Variants in SYT1 observed in about 807,000 individuals in gnomAD.
SYT1 encodes synaptotagmin 1.
In SYT1, 8 loss-of-function variants were observed where a neutral mutation model predicts 44.8. The observed-to-expected ratio is 0.18, with a 90% CI of 0.10 to 0.32. The LOEUF is 0.32. SYT1 is among the 10% of genes least tolerant of loss of function. The pLI is 1.00. For missense variants in SYT1, 286 were observed against 509.3 expected, an observed-to-expected ratio of 0.56 and a Z score of 4.22; for synonymous variants, 154 against 188.8, an observed-to-expected ratio of 0.82 and a Z score of 1.51.
chr12:78,893,337 AG>A (rs1875158334), intron 1 of SYT1, among the ~76,000 whole-genome samples: 2 of 151,816 alleles, frequency 1.3e-5, no homozygotes, highest in African/African-American at 2.4e-5. Flanking sequence ...ATTAATTCTT[AG>A]TACTAAAATA....
chr12:79,262,907 G>C (rs532235119), intron 4 of SYT1, among the ~76,000 whole-genome samples: 1 of 152,266 alleles, frequency 6.6e-6, no homozygotes, highest in Admixed American at 6.5e-5. Flanking sequence ...TCACAAAAAA[G>C]ATAGAGTACA....
chr12:79,096,774 C>G (rs1878158374), intron 3 of SYT1, among the ~76,000 whole-genome samples: 1 of 151,962 alleles, frequency 6.6e-6, no homozygotes, highest in South Asian at 2.1e-4. Flanking sequence ...AGGGGCATGA[C>G]ATCTTCACAT....
chr12:79,287,564 A>G (rs1245808295), intron 5 of SYT1, among the ~76,000 whole-genome samples: 1 of 152,146 alleles, frequency 6.6e-6, no homozygotes, highest in African/African-American at 2.4e-5. Context: ...TTGACAATAG[A>G]TCACTATCTT....
At position 79,245,091 on chromosome 12, in the gene SYT1, G is replaced by A. The variant is rs866323666; in HGVS notation, c.166+27406G>A. ...ATACCTCTGTGTAGAAGCAAGCCAT[G>A]CTTTAAAAAATGACACTTTGGTCTT... On this transcript the variant is annotated intron_variant, in intron 4 of 10. Coordinates refer to ENST00000261205, the MANE Select transcript of SYT1 (RefSeq NM_005639.3). 9.2e-5 allele frequency among the ~76,000 whole-genome samples: 14 copies of A among 152,162 alleles called. No homozygotes were observed. In the South Asian group the frequency reaches 1.2e-3, roughly 14 times the overall value.
At chr12:79,276,856 A>C (rs1347723871) in intron 4 of SYT1, among the ~76,000 whole-genome samples, 1 of 151,866 alleles carries the variant, frequency 6.6e-6, no homozygotes. Context: ...AAAGAAATAA[A>C]GTCTCCAAGA....
At chr12:79,057,010 A>G (rs1592708468) in intron 3 of SYT1, among the ~76,000 whole-genome samples, 2 of 151,976 alleles carry the variant, frequency 1.3e-5, no homozygotes, top group East Asian at 3.9e-4. Flanking sequence ...TTCTCCTTTC[A>G]ATGTAAAATC....
intron 1 of SYT1, among the ~76,000 whole-genome samples, chr12:78,929,947 C>A (rs1180828651): frequency 6.6e-6 from 1 of 151,968 alleles, no homozygotes; most frequent in Non-Finnish European, 1.5e-5. Context: ...ATAAAGAAAG[C>A]TCATGTTTCT....
intron 1 of SYT1, chr12:78,869,051 A>C (rs1873687656): frequency 6.6e-6 from 1 of 151,946 alleles, no homozygotes; most frequent in East Asian, 1.9e-4. Flanking sequence ...TATGTAATTG[A>C]ATGGCATGAT....
intron 8 of SYT1, chr12:79,341,068 G>C (rs1882349392): frequency 6.6e-6 from 1 of 152,108 alleles, no homozygotes; most frequent in South Asian, 2.1e-4. Context: ...ATCATCCTTT[G>C]TTTCTAGTTC....
intron 3 of SYT1, among the ~76,000 whole-genome samples, chr12:79,069,257 C>T (rs868765558): frequency 6.6e-6 from 1 of 152,120 alleles, no homozygotes; most frequent in South Asian, 2.1e-4. Flanking sequence ...GTGTAAACCA[C>T]AGCAGCTAAA....
At chr12:79,046,354 C>G (rs1874054757) in intron 2 of SYT1, 1 of 152,080 alleles carries the variant, frequency 6.6e-6, no homozygotes, top group Admixed American at 6.6e-5. Flanking sequence ...GAGTAACATA[C>G]TTATTATAAG....
intron 8 of SYT1, among the ~76,000 whole-genome samples, chr12:79,310,643 G>A (rs1443169446): frequency 1.8e-4 from 28 of 151,890 alleles, no homozygotes; most frequent in Admixed American, 3.9e-4. Context: ...CTTCCTACCC[G>A]TGAGCATGGA....
chr12:79,240,060 T>A (rs1055338689), intron 4 of SYT1, among the ~76,000 whole-genome samples: 1 of 152,186 alleles, frequency 6.6e-6, no homozygotes, highest in African/African-American at 2.4e-5. Flanking sequence ...CTTTGCCACA[T>A]AGCACAATCC....
chr12:79,195,708 A>G (rs2138470986), intron 3 of SYT1, among the ~76,000 whole-genome samples: 1 of 152,290 alleles, frequency 6.6e-6, no homozygotes, highest in East Asian at 1.9e-4. Flanking sequence ...ATGATTTAGG[A>G]ACAGATTAAA....
intron 4 of SYT1, among the ~76,000 whole-genome samples, chr12:79,281,123 C>CATTT (rs950720902): frequency 6.6e-6 from 1 of 151,988 alleles, no homozygotes; most frequent in Admixed American, 6.6e-5. Flanking sequence ...ACAGTTCTAC[C>CATTT]ATTTGATCCA....
chr12:79,085,618 C>T (rs1429329207), intron 3 of SYT1, among the ~76,000 whole-genome samples: 6 of 152,056 alleles, frequency 3.9e-5, no homozygotes, highest in Non-Finnish European at 5.9e-5. Flanking sequence ...GGAATTGGGT[C>T]CTAATTAGAG....
intron 9 of SYT1, among the ~76,000 whole-genome samples, chr12:79,439,879 C>T (rs1367506934): frequency 6.6e-6 from 1 of 150,464 alleles, no homozygotes; most frequent in African/African-American, 2.5e-5. Context: ...TCACAAAGAG[C>T]AGCAGGTTTG....
At chr12:79,152,474 C>T (rs938798776) in intron 3 of SYT1, among the ~76,000 whole-genome samples, 93 of 152,024 alleles carry the variant, frequency 6.1e-4, no homozygotes, top group African/African-American at 1.9e-3. Context: ...CCAGCTATCA[C>T]GGAGATTGTT....
chr12:79,151,164 G>A (rs73357421), intron 3 of SYT1, among the ~76,000 whole-genome samples: 1 of 152,114 alleles, frequency 6.6e-6, no homozygotes, highest in Non-Finnish European at 1.5e-5. Context: ...AACCACACTG[G>A]CTGAGAAATT....
Sources: gnomAD v4.1 joint callset for allele counts (sites outside exome capture counted in the v4.1 genomes callset) on GRCh38, gnomAD v4.1.1 for gene constraint, MANE v1.5 for transcripts, NCBI Gene and HGNC (gene_info 2026-07-23, HGNC 2026-07-21) for gene names.